ZNF717: variants seen among roughly 807,000 people sequenced by gnomAD.
The protein encoded by ZNF717 is krueppel-like factor X17.
Under a neutral mutation model 13.8 loss-of-function variants are expected in ZNF717, and 9 were observed. The ratio of observed to expected loss-of-function variants is 0.65; its 90% CI spans 0.39 to 1.14. The LOEUF (loss-of-function observed/expected upper bound fraction) is 1.14, where lower values mean the gene tolerates loss of function less well. ZNF717 is among the 50% of genes most tolerant of loss of function. The pLI, the probability that ZNF717 is intolerant of heterozygous loss-of-function variation, is 0.01. For synonymous variants in ZNF717, 327 were observed against 364.1 expected (o/e 0.90, Z 1.16); for missense variants, 1,040 against 1,080.7 (o/e 0.96, Z 0.53).
In ZNF717 at chr3:75,750,551, C is replaced by T. The variant is rs796112426; in HGVS notation, c.58-8815G>A. On this transcript the variant is annotated intron_variant, in intron 2 of 4. Transcript: ENST00000652011. ...ACTGCTGCTGGGTTCTGAGGGTTTG[C>T]TCCTCACATAGGATTCCAGAACACT... Among the ~76,000 whole-genome samples the T allele has an allele frequency of 7.8e-3, 1,054 of 135,466 alleles. 31 individuals carry two copies. Among genetic ancestry groups the T allele is most frequent in the African/African-American group, 0.028 (1,019 of 36,608 alleles). The allele number at this position is 135,466 out of a possible 152,430, so 88.9% of individuals were successfully genotyped here.
At chr3:75,699,835 G>C (rs1404014800) in intron 6 of ZNF717, among the ~76,000 whole-genome samples, 17 of 151,308 alleles carry the variant, frequency 1.1e-4, no homozygotes, top group African/African-American at 4.2e-4. Context: ...AAATCAGTAG[G>C]ATTTCTATAT....
chr3:75,769,281 C>T (rs1400715338), intron 2 of ZNF717, among the ~76,000 whole-genome samples: 1 of 152,158 alleles, frequency 6.6e-6, no homozygotes. Context: ...GACTACCTGA[C>T]GATGCCAGAC....
chr3:75,749,073 G>C lies in ZNF717; in HGVS notation c.58-7337C>G, dbSNP rs543013766. On this transcript the variant is annotated intron_variant, in intron 2 of 4. Coordinates refer to ENST00000652011, the MANE Select transcript of ZNF717 (RefSeq NM_001290208.3). The stretch of plus-strand genomic sequence containing the variant: ...AAGGGTCTGAATGTTTGTCCATCAC[G>C]TAAGATTCCACAGCACTGCTGCTGG... 6.7e-5 allele frequency among the ~76,000 whole-genome samples: 10 copies of C among 150,074 alleles called. No individual in the cohort carries two copies. The South Asian group carries it at 1.5e-3, about 22-fold the overall frequency.
intron 5 of ZNF717, among the ~76,000 whole-genome samples, chr3:75,713,049 T>TA (rs1937974942): frequency 6.6e-6 from 1 of 151,820 alleles, no homozygotes; most frequent in African/African-American, 2.4e-5. Flanking sequence ...GAGTTCGAGG[T>TA]TGCAGTGAGC....
At chr3:75,764,990 G>GATATATATATATATATATAT (rs71101852) in intron 2 of ZNF717, among the ~76,000 whole-genome samples, 103 of 102,262 alleles carry the variant, frequency 1.0e-3, no homozygotes, top group Non-Finnish European at 1.4e-3. Flanking sequence ...TAAACAAAAG[G>GATATATATATATATATATAT]ATATATATAT....
chr3:75,730,581 T>A, exon 6 of ZNF717: 1 of 700,898 alleles, frequency 1.4e-6, no homozygotes, highest in Non-Finnish European at 2.6e-6. Context: ...AATTGACAAT[T>A]GGGAATACAG....
intron 1 of ZNF717, chr3:75,785,047 G>A (rs983671524): frequency 3.3e-5 from 5 of 152,226 alleles, no homozygotes; most frequent in African/African-American, 1.2e-4. Context: ...CACAGTGAAG[G>A]AGGGAACCAG....
At chr3:75,718,274 T>A (rs1192435680) in intron 4 of ZNF717, among the ~76,000 whole-genome samples, 2 of 151,872 alleles carry the variant, frequency 1.3e-5, no homozygotes, top group African/African-American at 4.8e-5. Context: ...CAACCTTAGG[T>A]AAGAGGGTGC....
At chr3:75,728,092 T>A (rs1459142478), downstream of ZNF717, among the ~76,000 whole-genome samples, 1 of 152,240 alleles carries the variant, frequency 6.6e-6, no homozygotes, top group Non-Finnish European at 1.5e-5. Context: ...ATGATGGTGC[T>A]AGAACATATG....
rs1047889847 is a variant in ZNF717 at position 75,749,925 on chromosome 3, T to G, written c.58-8189A>C. Among the ~76,000 whole-genome samples the G allele has an allele frequency of 2.7e-5, 4 of 150,844 alleles. No individual in the cohort carries two copies. The East Asian group carries it at 7.9e-4, about 30-fold the overall frequency. ...AACACTGCTGTTGGGTTCTGAGGGT[T>G]TGTCCCTCACATAGGATTCCAGAAT... is the stretch of plus-strand genomic sequence containing the variant. On this transcript the variant is annotated intron_variant, in intron 2 of 4. Coordinates refer to ENST00000652011, the MANE Select transcript of ZNF717 (RefSeq NM_001290208.3).
At chr3:75,696,587 T>C (rs1473051728) in intron 6 of ZNF717, among the ~76,000 whole-genome samples, 149 of 149,300 alleles carry the variant, frequency 1.0e-3, no homozygotes, top group African/African-American at 3.6e-3. Context: ...ATCAATGTGA[T>C]ACATCACATA....
Position 75,737,508 on chromosome 3 carries a change from T to G in ZNF717, c.2115A>C (p.Val705=). 1 of 1,554,650 alleles carries G rather than the reference T, an allele frequency of 6.4e-7. No individual in the cohort carries two copies. Among genetic ancestry groups the G allele is most frequent in the African/African-American group, 1.4e-5 (1 of 73,212 alleles). The change falls in exon 5 of 5, where the codon GTA becomes GTC. Residue 705 remains valine, a synonymous_variant. Coordinates refer to ENST00000652011, the MANE Select transcript of ZNF717 (RefSeq NM_001290208.3). ...TGATGAAAGGATTTTCCACATTCAT[T>G]ACATTCATAGGGCTTTTCCCCGGTG... ...ELTPGKSPMN[V]MNVENPFIRR...
At chr3:75,757,007 G>C (rs113803173) in intron 2 of ZNF717, among the ~76,000 whole-genome samples, 1 of 147,400 alleles carries the variant, frequency 6.8e-6, no homozygotes, top group Non-Finnish European at 1.5e-5. Context: ...GCTCAGAGAG[G>C]TGAGGCAGCT....
intron 1 of ZNF717, chr3:75,784,926 A>C (rs1278204968): frequency 1.3e-5 from 2 of 152,200 alleles, no homozygotes; most frequent in African/African-American, 4.8e-5. Context: ...CTTAAGGCTG[A>C]AGACCATCAT....
chr3:75,711,633 A>T (rs139254099), intron 5 of ZNF717, among the ~76,000 whole-genome samples: 2 of 151,724 alleles, frequency 1.3e-5, no homozygotes, highest in African/African-American at 4.8e-5. Flanking sequence ...CCATCTCTAT[A>T]AAAAAAATAC....
intron 2 of ZNF717, among the ~76,000 whole-genome samples, chr3:75,765,009 A>ATG (rs1559661694): frequency 7.4e-4 from 20 of 27,174 alleles, no homozygotes; most frequent in Admixed American, 2.2e-3. Flanking sequence ...ATATATATAT[A>ATG]TATATATATA....
chr3:75,732,226 C>T, downstream of ZNF717: 2 of 668,674 alleles, frequency 3.0e-6, no homozygotes, highest in Non-Finnish European at 5.4e-6. Context: ...CTAACCTGCT[C>T]TCATATAACC....
intron 2 of ZNF717, among the ~76,000 whole-genome samples, chr3:75,778,388 A>C (rs1277484912): frequency 6.7e-6 from 1 of 149,274 alleles, no homozygotes; most frequent in Admixed American, 6.6e-5. Flanking sequence ...TGATCTGCTA[A>C]AACCGGAACC....
rs956756332 is a variant in ZNF717 at position 75,785,481 on chromosome 3, GGT to G, written c.-102_-101del. 6.6e-6 allele frequency: 1 copy of G among 152,584 alleles called. No individual in the cohort carries two copies. Among genetic ancestry groups the G allele is most frequent in the African/African-American group, 2.4e-5 (1 of 41,474 alleles). 9.5% of individuals were successfully genotyped at this position (152,584 alleles called of 1,614,324 possible). On this transcript the variant is annotated 5_prime_UTR_variant, in exon 1 of 5. Transcript: ENST00000652011. ...CCCCCCGGGATCCCCCGGGCCCACG[GGT>G]TCCTCTTCGCCCTCGCACCGACCCG...
Sources: gnomAD v4.1 joint callset for allele counts (sites outside exome capture counted in the v4.1 genomes callset) on GRCh38, gnomAD v4.1.1 for gene constraint, MANE v1.5 for transcripts, NCBI Gene and HGNC (gene_info 2026-07-23, HGNC 2026-07-21) for gene names.